Variants in APLF observed in about 807,000 individuals in gnomAD.
The protein encoded by APLF is aprataxin and PNKP like factor.
Under a neutral mutation model 55.6 loss-of-function variants are expected in APLF, and 61 were observed. The observed-to-expected ratio is 1.10, with a 90% CI of 0.89 to 1.36. The LOEUF is 1.36. Ranked by LOEUF, APLF falls within the 40% of genes most tolerant of loss-of-function variation. The pLI is 0.00. For synonymous variants in APLF, 207 were observed against 214.8 expected (o/e 0.96, Z 0.32); for missense variants, 611 against 602.5 (o/e 1.01, Z -0.15).
In APLF at chr2:68,560,612, C is replaced by T. The variant is rs191883339; in HGVS notation, c.1287-6729C>T. On this transcript the variant is annotated intron_variant, in intron 8 of 9. Coordinates refer to ENST00000303795, the MANE Select transcript of APLF (RefSeq NM_173545.3). ...TTTTGAAAATACATATTTTAAAATA[C>T]AGCAGCTCACAAAAATCTGATGTGG... Among the ~76,000 whole-genome samples, 365 of 152,094 alleles carry T rather than the reference C, an allele frequency of 2.4e-3. 2 individuals carry two copies. Among genetic ancestry groups the T allele is most frequent in the African/African-American group, 8.3e-3 (343 of 41,512 alleles).
In APLF at chr2:68,474,022, T is replaced by G. The variant is rs148416903; in HGVS notation, c.96+6195T>G. Among the ~76,000 whole-genome samples the G allele has an allele frequency of 1.9e-3, 293 of 152,304 alleles. 1 individual carries two copies. Among genetic ancestry groups the G allele is most frequent in the African/African-American group, 6.8e-3 (284 of 41,576 alleles). On this transcript the variant is annotated intron_variant, in intron 1 of 9. Coordinates refer to ENST00000303795, the MANE Select transcript of APLF (RefSeq NM_173545.3). ...TGAACCACTGGATGTAAACCAGGGATCCCATGGCCCTTTCCTTGGGCTCTA... is the reference window on the plus strand; with the variant it reads ...TGAACCACTGGATGTAAACCAGGGAGCCCATGGCCCTTTCCTTGGGCTCTA...
In APLF at chr2:68,533,405, G is replaced by A. The variant is rs78622948; in HGVS notation, c.805-4467G>A. Among the ~76,000 whole-genome samples the A allele has an allele frequency of 4.0e-3, 603 of 152,214 alleles. 2 individuals carry two copies. Among genetic ancestry groups the A allele is most frequent in the East Asian group, 0.016 (82 of 5,188 alleles). On this transcript the variant is annotated intron_variant, in intron 6 of 9. Coordinates refer to ENST00000303795, the MANE Select transcript of APLF (RefSeq NM_173545.3). ...GAAGCCTAACTGAAACAACATAAGC[G>A]AAAATAGTATGGTAAAGTGTTTTAA...
chr2:68,501,511 T>C (rs1413656650), intron 2 of APLF, among the ~76,000 whole-genome samples: 2 of 151,934 alleles, frequency 1.3e-5, no homozygotes, highest in African/African-American at 4.8e-5. Context: ...CCCAGTGATA[T>C]TATGACAAAA....
At chr2:68,500,661 C>T (rs1283423243) in intron 2 of APLF, among the ~76,000 whole-genome samples, 1 of 152,222 alleles carries the variant, frequency 6.6e-6, no homozygotes, top group Non-Finnish European at 1.5e-5. Flanking sequence ...GCAAGCGTCA[C>T]TTAAAGAATA....
intron 1 of APLF, among the ~76,000 whole-genome samples, chr2:68,488,735 G>A (rs192011657): frequency 6.6e-6 from 1 of 152,202 alleles, no homozygotes; most frequent in East Asian, 1.9e-4. Context: ...TCTATGTAAA[G>A]TGTTAATAAT....
intron 6 of APLF, among the ~76,000 whole-genome samples, chr2:68,530,449 A>G (rs1314985028): frequency 1.3e-5 from 2 of 152,112 alleles, no homozygotes; most frequent in Non-Finnish European, 2.9e-5. Flanking sequence ...TTCACCCCAG[A>G]TGTTCTTTCT....
At chr2:68,471,738 A>C (rs2103870650) in intron 1 of APLF, among the ~76,000 whole-genome samples, 1 of 152,248 alleles carries the variant, frequency 6.6e-6, no homozygotes, top group South Asian at 2.1e-4. Flanking sequence ...ATAATCACTG[A>C]TTTTTAAAAG....
chr2:68,495,614 A>G (rs1406426171), intron 2 of APLF, among the ~76,000 whole-genome samples: 1 of 152,238 alleles, frequency 6.6e-6, no homozygotes, highest in Non-Finnish European at 1.5e-5. Flanking sequence ...TCTACTAGGC[A>G]GTGTCCCAAG....
intron 8 of APLF, among the ~76,000 whole-genome samples, chr2:68,554,513 G>C (rs889954796): frequency 2.9e-4 from 44 of 152,034 alleles, no homozygotes; most frequent in African/African-American, 8.7e-4. Flanking sequence ...TTACAATATT[G>C]ATTCTACCTA....
At chr2:68,520,238 G>T (rs1323053498) in intron 5 of APLF, among the ~76,000 whole-genome samples, 4 of 151,910 alleles carry the variant, frequency 2.6e-5, no homozygotes, top group African/African-American at 9.7e-5. Context: ...TGCATAGTTT[G>T]CGAAGATTTT....
rs1669874047 is a variant in APLF at position 68,520,732 on chromosome 2, G to A, written c.623-5329G>A. Among the ~76,000 whole-genome samples, 3 of 152,028 alleles carry A rather than the reference G, an allele frequency of 2.0e-5. No individual in the cohort carries two copies. In the South Asian group the frequency reaches 6.2e-4, roughly 32 times the overall value. On this transcript the variant is annotated intron_variant, in intron 5 of 9. Transcript: ENST00000303795. ...CCGTAGCCTTGTAGTACAGTTTGAAGTCGGGTAATGTGATGCCTCCGGATT... is the reference window on the plus strand; with the variant it reads ...CCGTAGCCTTGTAGTACAGTTTGAAATCGGGTAATGTGATGCCTCCGGATT...
At chr2:68,496,251 G>A (rs1217929691) in intron 2 of APLF, among the ~76,000 whole-genome samples, 1 of 152,144 alleles carries the variant, frequency 6.6e-6, no homozygotes, top group African/African-American at 2.4e-5. Flanking sequence ...ACAGGCGCGT[G>A]TCACCACGCC....
intron 5 of APLF, among the ~76,000 whole-genome samples, chr2:68,523,413 C>T (rs1396653788): frequency 1.3e-5 from 2 of 151,796 alleles, no homozygotes; most frequent in African/African-American, 4.8e-5. Context: ...ATACAATACA[C>T]TTTGATCCAG....
chr2:68,481,383 T>TTTTGG (rs1221087096), intron 1 of APLF, among the ~76,000 whole-genome samples: 1 of 145,786 alleles, frequency 6.9e-6, no homozygotes, highest in Non-Finnish European at 1.5e-5. Context: ...TTTTGTTTTG[T>TTTTGG]TTTTGTTTGT....
At chr2:68,485,009 A>T (rs924859417) in intron 1 of APLF, among the ~76,000 whole-genome samples, 2 of 152,012 alleles carry the variant, frequency 1.3e-5, no homozygotes, top group Non-Finnish European at 2.9e-5. Context: ...TCTCCTGAAC[A>T]CAGTTGAAAG....
intron 7 of APLF, among the ~76,000 whole-genome samples, chr2:68,544,381 G>C (rs932151487): frequency 1.3e-5 from 2 of 152,160 alleles, no homozygotes; most frequent in African/African-American, 4.8e-5. Context: ...GAGGCCACAA[G>C]TTATGTGTTG....
chr2:68,478,519 T>C (rs1444652821), intron 1 of APLF, among the ~76,000 whole-genome samples: 1 of 152,164 alleles, frequency 6.6e-6, no homozygotes, highest in Non-Finnish European at 1.5e-5. Context: ...GATCTAAAGC[T>C]CGAGAATTTA....
At chr2:68,532,408 G>C (rs1670283500) in intron 6 of APLF, among the ~76,000 whole-genome samples, 1 of 152,150 alleles carries the variant, frequency 6.6e-6, no homozygotes, top group Non-Finnish European at 1.5e-5. Context: ...TGATTCATTT[G>C]GTGTGTGGAG....
chr2:68,493,040 C>G (rs1676419846), intron 2 of APLF, among the ~76,000 whole-genome samples: 1 of 152,080 alleles, frequency 6.6e-6, no homozygotes, highest in Admixed American at 6.5e-5. Context: ...AGCCCAGGTT[C>G]TTTGAACTCT....
Sources: gnomAD v4.1 joint callset for allele counts (sites outside exome capture counted in the v4.1 genomes callset) on GRCh38, gnomAD v4.1.1 for gene constraint, MANE v1.5 for transcripts, NCBI Gene and HGNC (gene_info 2026-07-23, HGNC 2026-07-21) for gene names.